The following HORMAD2 variants were observed in gnomAD, a reference collection of about 807,000 sequenced individuals.
The protein encoded by HORMAD2 is HORMA domain-containing protein 2.
In HORMAD2, 45 loss-of-function variants were observed where a neutral mutation model predicts 38.8. The observed-to-expected ratio is 1.16, with a 90% confidence interval of 0.91 to 1.49. The LOEUF (loss-of-function observed/expected upper bound fraction) is 1.49. HORMAD2 is among the 40% of genes most tolerant of loss of function. The pLI, the probability that HORMAD2 is intolerant of heterozygous loss-of-function variation, is 0.00. For missense variants in HORMAD2, 338 were observed against 367.0 expected (o/e 0.92, Z 0.65); for synonymous variants, 126 against 122.8 (o/e 1.03, Z -0.17).
At chr22:30,118,111 A>G (rs751035612) in intron 7 of HORMAD2, among the ~76,000 whole-genome samples, 9 of 152,198 alleles carry the variant, frequency 5.9e-5, no homozygotes, top group Non-Finnish European at 1.3e-4. Context: ...TTTAAAAAAT[A>G]CAAATCACTC....
chr22:30,123,917 G>T (rs1006419782), intron 10 of HORMAD2, among the ~76,000 whole-genome samples: 1 of 151,478 alleles, frequency 6.6e-6, no homozygotes, highest in Non-Finnish European at 1.5e-5. Flanking sequence ...TGATCCTCCT[G>T]CCTTGGCCTC....
At chr22:30,166,208 T>G (rs1472067832) in intron 10 of HORMAD2, among the ~76,000 whole-genome samples, 1 of 152,118 alleles carries the variant, frequency 6.6e-6, no homozygotes, top group African/African-American at 2.4e-5. Context: ...GCCTTTGTGT[T>G]TTGAGGAAAC....
At chr22:30,098,070 G>A (rs934636703) in intron 2 of HORMAD2, among the ~76,000 whole-genome samples, 1 of 152,192 alleles carries the variant, frequency 6.6e-6, no homozygotes, top group African/African-American at 2.4e-5. Context: ...CTTGGGATCA[G>A]GTTTTAGCCA....
chr22:30,163,087 T>C (rs188539904), intron 10 of HORMAD2, among the ~76,000 whole-genome samples: 9 of 152,318 alleles, frequency 5.9e-5, no homozygotes, highest in African/African-American at 2.2e-4. Context: ...GTCTTACAGA[T>C]TTTTCCCTAT....
chr22:30,198,349 G>A, the HORMAD2 span, among the ~76,000 whole-genome samples: 3 of 152,186 alleles, frequency 2.0e-5, no homozygotes, highest in Non-Finnish European at 4.4e-5. Flanking sequence ...TAAGCAAGAA[G>A]TAGCAGCCTT....
chr22:30,083,464 A>C (rs999326536), intron 1 of HORMAD2, among the ~76,000 whole-genome samples: 7 of 152,214 alleles, frequency 4.6e-5, no homozygotes, highest in Admixed American at 3.9e-4. Flanking sequence ...AATCAGACCT[A>C]TTCTCTGAGA....
At chr22:30,084,139 G>A (rs1231523402) in intron 1 of HORMAD2, among the ~76,000 whole-genome samples, 3 of 152,164 alleles carry the variant, frequency 2.0e-5, no homozygotes, top group Admixed American at 2.0e-4. Flanking sequence ...AGTCCAGTTT[G>A]TACTGCTGTA....
intron 5 of HORMAD2, among the ~76,000 whole-genome samples, chr22:30,106,845 G>T (rs550224547): frequency 3.3e-5 from 5 of 152,226 alleles, no homozygotes; most frequent in Non-Finnish European, 7.4e-5. Flanking sequence ...CTAAAGCAGT[G>T]GTTCTCAAAC....
chr22:30,176,242 G>C lies in HORMAD2; in HGVS notation c.*75G>C. 9.7e-7 allele frequency: 1 copy of C among 1,025,916 alleles called. No homozygotes were observed. Among genetic ancestry groups the C allele is most frequent in the Non-Finnish European group, 1.4e-6 (1 of 693,198 alleles). The allele number at this position is 1,025,916 out of a possible 1,614,324, so 63.6% of individuals were successfully genotyped here. A position where few individuals can be genotyped will look rare whatever the true frequency, so the allele number is the denominator to read the frequency against. On this transcript the variant is annotated 3_prime_UTR_variant, in exon 11 of 11. Coordinates refer to ENST00000336726, the MANE Select transcript of HORMAD2 (RefSeq NM_152510.4). ...AAACATGCATAAACTGTCTTAGCAGGAAAGTACATTCCTGTTACCAAAACC... is the reference window on the plus strand; with the variant it reads ...AAACATGCATAAACTGTCTTAGCAGCAAAGTACATTCCTGTTACCAAAACC...
chr22:30,113,024 TCTTTA>T (rs1362460424), intron 7 of HORMAD2, among the ~76,000 whole-genome samples: 2 of 152,160 alleles, frequency 1.3e-5, no homozygotes, highest in Admixed American at 6.5e-5. Context: ...GAGCTTTACC[TCTTTA>T]CTTCTCTCTT....
intron 10 of HORMAD2, among the ~76,000 whole-genome samples, chr22:30,171,425 T>C (rs1681056313): frequency 6.6e-6 from 1 of 152,170 alleles, no homozygotes; most frequent in African/African-American, 2.4e-5. Flanking sequence ...GAAGTTATTA[T>C]TGACCCATCT....
chr22:30,127,606 G>T (rs1171333080), intron 10 of HORMAD2, among the ~76,000 whole-genome samples: 1 of 152,180 alleles, frequency 6.6e-6, no homozygotes, highest in Non-Finnish European at 1.5e-5. Context: ...GCCTCCTCAA[G>T]TGCTGGGATT....
chr22:30,121,806 A>G lies in HORMAD2; in HGVS notation c.568+17A>G. ...ATAATGCAGGTAGGTAGAGAACTTT[A>G]GGCAAATTCCTCCTTAAGTGCTGAG... On this transcript the variant is annotated intron_variant, in intron 9 of 10. Coordinates refer to ENST00000336726, the MANE Select transcript of HORMAD2 (RefSeq NM_152510.4). 6.3e-7 allele frequency: 1 copy of G among 1,595,952 alleles called. No homozygotes were observed. Among genetic ancestry groups the G allele is most frequent in the Non-Finnish European group, 8.5e-7 (1 of 1,173,660 alleles).
rs114039866 is a variant in HORMAD2 at position 30,152,397 on chromosome 22, G to T, written c.820-23666G>T. ...TGTAGAAATAGCATCTTGCTTTATT[G>T]CTTAGGCTGGACTTGGACTCCTGGG... On this transcript the variant is annotated intron_variant, in intron 10 of 10. Coordinates refer to ENST00000336726, the MANE Select transcript of HORMAD2 (RefSeq NM_152510.4). Among the ~76,000 whole-genome samples the T allele has an allele frequency of 2.8e-3, 428 of 152,040 alleles. 3 individuals carry two copies. Among genetic ancestry groups the T allele is most frequent in the African/African-American group, 9.0e-3 (373 of 41,460 alleles).
intron 5 of HORMAD2, among the ~76,000 whole-genome samples, chr22:30,107,122 G>A (rs762937896): frequency 2.6e-5 from 4 of 152,196 alleles, no homozygotes; most frequent in Non-Finnish European, 4.4e-5. Context: ...CTAAGCATTG[G>A]ATGAGATAAT....
chr22:30,079,516 T>G (rs186184165), upstream of HORMAD2, among the ~76,000 whole-genome samples: 1 of 152,314 alleles, frequency 6.6e-6, no homozygotes, highest in East Asian at 1.9e-4. Flanking sequence ...TTCTTTTTTT[T>G]TATTTTTGAG....
intron 10 of HORMAD2, among the ~76,000 whole-genome samples, chr22:30,173,292 C>T (rs1157736944): frequency 6.6e-6 from 1 of 152,190 alleles, no homozygotes; most frequent in African/African-American, 2.4e-5. Context: ...GCATATGAGA[C>T]TACTTGTGCT....
At chr22:30,173,062 A>G (rs1454581507) in intron 10 of HORMAD2, among the ~76,000 whole-genome samples, 1 of 152,180 alleles carries the variant, frequency 6.6e-6, no homozygotes, top group Admixed American at 6.5e-5. Context: ...CTGCCCCTGA[A>G]CCAAATGAAG....
chr22:30,144,979 T>G (rs998212874), intron 10 of HORMAD2, among the ~76,000 whole-genome samples: 1 of 152,078 alleles, frequency 6.6e-6, no homozygotes, highest in Admixed American at 6.6e-5. Context: ...CAATCTATAA[T>G]GGAATGGAGT....
Sources: gnomAD v4.1 joint callset for allele counts (sites outside exome capture counted in the v4.1 genomes callset) on GRCh38, gnomAD v4.1.1 for gene constraint, MANE v1.5 for transcripts, NCBI Gene and HGNC (gene_info 2026-07-23, HGNC 2026-07-21) for gene names.